The following TFAP2E variants were observed in gnomAD, a reference collection of about 807,000 sequenced individuals.
The protein encoded by TFAP2E is transcription factor AP-2-epsilon.
Under a neutral mutation model 37.9 loss-of-function variants are expected in TFAP2E, and 30 were observed. The observed-to-expected ratio is 0.79, with a 90% CI of 0.59 to 1.07. The LOEUF is 1.07. TFAP2E is among the 50% of genes least tolerant of loss of function. TFAP2E has a pLI of 0.00. For synonymous variants in TFAP2E, 318 were observed against 295.8 expected, an observed-to-expected ratio of 1.08 and a Z score of -0.77; for missense variants, 567 against 637.9, an observed-to-expected ratio of 0.89 and a Z score of 1.20.
chr1:35,577,322 C>T lies in TFAP2E; in HGVS notation c.562+2322C>T, dbSNP rs1157533340. 2.2e-6 allele frequency: 1 copy of T among 455,788 alleles called. No individual in the cohort carries two copies. The highest frequency in any genetic ancestry group is 2.4e-5 in the Admixed American group (1 of 42,516). 28.2% of individuals were successfully genotyped at this position (455,788 alleles called of 1,614,324 possible). ...CCTCGGCGCCCCCAGCAGTTTTCAC[C>T]TTGGCCCTCCGCGGTCACTGCGGGA... On this transcript the variant is annotated intron_variant, in intron 3 of 6. Transcript: ENST00000373235. This position sits in a 1 kb window ranked among gnomAD's most constrained non-coding sequence, Gnocchi z 6.3.
Position 35,588,797 on chromosome 1 carries a change from G to T in TFAP2E, c.785+245G>T, listed in dbSNP as rs1240545267. Among the ~76,000 whole-genome samples the T allele has an allele frequency of 2.0e-5, 3 of 152,178 alleles. No homozygotes were observed. Among genetic ancestry groups the T allele is most frequent in the Non-Finnish European group, 4.4e-5 (3 of 68,024 alleles). ...AGAAAGAAGCCTGGGCACAGAGAAG[G>T]GATGGAGAACTCATCCACACTGGTC... On this transcript the variant is annotated intron_variant, in intron 4 of 6. Transcript: ENST00000373235. This position sits in a 1 kb window ranked among gnomAD's most constrained non-coding sequence, Gnocchi z 5.1.
In TFAP2E at chr1:35,573,600, C is replaced by T. The variant is rs1471935654; in HGVS notation, c.23C>T (p.Ala8Val). 1.9e-6 allele frequency: 3 copies of T among 1,539,888 alleles called. No homozygotes were observed. Among genetic ancestry groups the T allele is most frequent in the Non-Finnish European group, 1.7e-6 (2 of 1,143,360 alleles). MLVHTYS[A>V]MERPDGLGAA... ...CCCATGCTGGTGCACACCTACTCCG[C>T]CATGGTGAGTAGTCTCGGGCCCGGG... is the stretch of plus-strand genomic sequence containing the variant. The change falls in exon 1 of 7, where the codon GCC becomes GTC. Residue 8 changes from alanine (A) to valine (V), a missense_variant. Around this residue, in one of 3 missense-constraint regions of TFAP2E, gnomAD observed 312 missense variants for 317.4 expected, o/e 0.98. Coordinates refer to ENST00000373235, the MANE Select transcript of TFAP2E (RefSeq NM_178548.4). This position sits in a 1 kb window ranked among gnomAD's most constrained non-coding sequence, Gnocchi z 5.9.
In TFAP2E at chr1:35,594,420, T is replaced by C; in HGVS notation, c.1073T>C (p.Leu358Ser). ...CAGATCTGCAAGGAGTTTGCAGACT[T>C]GATGGCTCAGGACCGCTCACCGCTG... Reference protein sequence around the residue: ...AKQICKEFADLMAQDRSPLGN... With the variant: ...AKQICKEFADSMAQDRSPLGN... The change falls in exon 7 of 7, where the codon TTG becomes TCG. Residue 358 changes from leucine to serine, a missense_variant. Leu to Ser is a moderately radical substitution (Grantham distance 145). Coordinates refer to ENST00000373235, the MANE Select transcript of TFAP2E (RefSeq NM_178548.4). 3 of 1,613,764 alleles carry C rather than the reference T, an allele frequency of 1.9e-6. No individual in the cohort carries two copies. Among genetic ancestry groups the C allele is most frequent in the Non-Finnish European group, 2.5e-6 (3 of 1,179,960 alleles).
rs775211895 is a variant in TFAP2E, at chr1:35,590,747, A to C, written c.1018A>C (p.Ser340Arg). 6.7e-7 allele frequency: 1 copy of C among 1,489,900 alleles called. No individual in the cohort carries two copies. The highest frequency in any genetic ancestry group is 2.1e-5 in the Admixed American group (1 of 47,900). 92.3% of individuals were successfully genotyped at this position (1,489,900 alleles called of 1,614,324 possible). Residue 340 changes from serine (S) to arginine (R), a missense_variant, in exon 6 of 7, where the codon AGC becomes CGC. This residue lies in a region of TFAP2E where 252 missense variants were observed against 302.6 expected (regional missense o/e 0.83). Transcript: ENST00000373235. This position sits in a 1 kb window ranked among gnomAD's most constrained non-coding sequence, Gnocchi z 6.2. ...RQHADPGELH[S>R]RKSMLLAAKQ... ...GCACGCTGACCCGGGGGAGCTGCAC[A>C]GCCGCAAGAGCATGCTGCTGGCTGC...
At chr1:35,586,967 G>A (rs1649499129) in intron 3 of TFAP2E, among the ~76,000 whole-genome samples, 1 of 152,246 alleles carries the variant, frequency 6.6e-6, no homozygotes, top group African/African-American at 2.4e-5. Flanking sequence ...CCGTCTACCA[G>A]CTGTGTGATC....
At position 35,590,662 on chromosome 1, in the gene TFAP2E, C is replaced by T. The variant is rs140768899; in HGVS notation, c.933C>T (p.Phe311=). The T allele has an allele frequency of 1.4e-3, 2,161 of 1,538,448 alleles. 3 individuals carry two copies. Among genetic ancestry groups the T allele is most frequent in the Middle Eastern group, 3.4e-3 (17 of 4,988 alleles). Residue 311 remains phenylalanine, a synonymous_variant, in exon 6 of 7, where the codon TTC becomes TTT. Coordinates refer to ENST00000373235, the MANE Select transcript of TFAP2E (RefSeq NM_178548.4). The surrounding 1 kb of genome is among the most constrained non-coding windows in gnomAD (Gnocchi z 6.2). The part of the protein sequence containing the change: ...EGEAVHLARD[F]GYVCETEFPA... ...AGGCCGTGCACCTGGCCCGAGACTT[C>T]GGTTACGTCTGTGAGACGGAGTTCC...
rs1420538974 is a variant in TFAP2E at position 35,574,136 on chromosome 1, G to A, written c.237G>A (p.Leu79=). 5 of 1,450,520 alleles carry A rather than the reference G, an allele frequency of 3.4e-6. No homozygotes were observed. Among genetic ancestry groups the A allele is most frequent in the South Asian group, 1.3e-5 (1 of 79,006 alleles). The allele number at this position is 1,450,520 out of a possible 1,614,324, so 89.9% of individuals were successfully genotyped here. A position where few individuals can be genotyped will look rare whatever the true frequency, so the allele number is the denominator to read the frequency against. Reference sequence around the variant, plus strand: ...ACGCCGCCGCAGCCTTTCCCCACCTGGCAGGGGACCCATATGGCGGCCTGG... The same window carrying A: ...ACGCCGCCGCAGCCTTTCCCCACCTAGCAGGGGACCCATATGGCGGCCTGG... ...APDAAAAFPH[L]AGDPYGGLAP... The change falls in exon 2 of 7, where the codon CTG becomes CTA. Residue 79 remains leucine (L), a synonymous_variant. Transcript: ENST00000373235.
rs980033423 is a variant in TFAP2E, at chr1:35,594,738, G to C, written c.*62G>C. On this transcript the variant is annotated 3_prime_UTR_variant, in exon 7 of 7. Transcript: ENST00000373235. ...CCCTGAAATAGGGACTTAGCTCTTG[G>C]GGGTGGGCCTGGAAGGACTGAAAGG... 2.5e-6 allele frequency: 4 copies of C among 1,604,918 alleles called. No individual in the cohort carries two copies. In the African/African-American group the frequency reaches 4.0e-5, roughly 16 times the overall value.
chr1:35,591,298 A>G (rs1649665876), intron 6 of TFAP2E, among the ~76,000 whole-genome samples: 1 of 152,166 alleles, frequency 6.6e-6, no homozygotes, highest in African/African-American at 2.4e-5. Context: ...ACTGGCTCAC[A>G]CAGGCTCACG....
At chr1:35,592,934 A>G (rs1235948503) in intron 6 of TFAP2E, among the ~76,000 whole-genome samples, 1 of 152,172 alleles carries the variant, frequency 6.6e-6, no homozygotes, top group East Asian at 1.9e-4. Context: ...TCCTAATACT[A>G]TCACCTAGTG....
Position 35,588,358 on chromosome 1 carries a change from C to G in TFAP2E, c.591C>G (p.Leu197=), listed in dbSNP as rs772688996. 7 of 1,613,498 alleles carry G rather than the reference C, an allele frequency of 4.3e-6. No individual in the cohort carries two copies. In the African/African-American group the frequency reaches 9.3e-5, roughly 22 times the overall value. ...KVPIPSKASS[L]SALSLAKDSL... is the part of the protein sequence containing the mutation. The stretch of plus-strand genomic sequence containing the variant: ...CCATCCCCTCCAAAGCCAGCAGCCT[C>G]TCAGCCCTCTCCTTGGCCAAAGACA... The change falls in exon 4 of 7, where the codon CTC becomes CTG. Residue 197 remains leucine, a synonymous_variant. Transcript: ENST00000373235. This position sits in a 1 kb window ranked among gnomAD's most constrained non-coding sequence, Gnocchi z 5.1.
intron 4 of TFAP2E, among the ~76,000 whole-genome samples, 165 bp from the exon 5 acceptor site, chr1:35,589,765 A>G (rs1007191926): frequency 2.6e-5 from 4 of 151,984 alleles, no homozygotes; most frequent in African/African-American, 9.7e-5. Context: ...AACCATGGAG[A>G]TTAGTTGCGC....
chr1:35,590,718 G>C lies in TFAP2E; in HGVS notation c.989G>C (p.Arg330Pro), dbSNP rs1366953216. The C allele has an allele frequency of 6.4e-7, 1 of 1,553,368 alleles. No homozygotes were observed. The highest frequency in any genetic ancestry group is 1.2e-5 in the South Asian group (1 of 84,102). Residue 330 changes from arginine (R) to proline (P), a missense_variant, in exon 6 of 7, where the codon CGA becomes CCA. Physicochemically the swap from Arg to Pro is moderately radical, Grantham distance 103. Around this residue, in one of 3 missense-constraint regions of TFAP2E, gnomAD observed 252 missense variants for 302.6 expected, o/e 0.83. Coordinates refer to ENST00000373235, the MANE Select transcript of TFAP2E (RefSeq NM_178548.4). This position sits in a 1 kb window ranked among gnomAD's most constrained non-coding sequence, Gnocchi z 6.2. Reference protein sequence around the residue: ...PAKAAAEYLCRQHADPGELHS... With the variant: ...PAKAAAEYLCPQHADPGELHS... ...AAGGCAGCTGCCGAGTACCTGTGCC[G>C]ACAGCACGCTGACCCGGGGGAGCTG...
intron 3 of TFAP2E, among the ~76,000 whole-genome samples, chr1:35,580,527 G>A (rs1649318697): frequency 6.6e-6 from 1 of 152,186 alleles, no homozygotes; most frequent in East Asian, 1.9e-4. Context: ...TTGGGAGGCC[G>A]AGGCGGGTGG....
In TFAP2E at chr1:35,588,866, CCCT is replaced by C. The variant is rs1354192192; in HGVS notation, c.785+316_785+318del. ...GGGAAGAGAGAGGGCCATCCTCACCCCCTCTTCTAGGAAATGAACCCCAGGACC... is the reference window on the plus strand; with the variant it reads ...GGGAAGAGAGAGGGCCATCCTCACCCCTTCTAGGAAATGAACCCCAGGACC... On this transcript the variant is annotated intron_variant, in intron 4 of 6. Transcript: ENST00000373235. This position sits in a 1 kb window ranked among gnomAD's most constrained non-coding sequence, Gnocchi z 5.1. Among the ~76,000 whole-genome samples, 2 of 152,142 alleles carry C rather than the reference CCCT, an allele frequency of 1.3e-5. No homozygotes were observed. Among genetic ancestry groups the C allele is most frequent in the East Asian group, 3.9e-4 (2 of 5,174 alleles).
Position 35,573,637 on chromosome 1 carries a change from CG to C in TFAP2E, c.27+38del, listed in dbSNP as rs1649075810. On this transcript the variant is annotated intron_variant, in intron 1 of 6. Coordinates refer to ENST00000373235, the MANE Select transcript of TFAP2E (RefSeq NM_178548.4). This position sits in a 1 kb window ranked among gnomAD's most constrained non-coding sequence, Gnocchi z 5.9. ...GTCTCGGGCCCGGGACATATTCGGC[CG>C]GGGGATCGGGGCGCCTGAGTGCTGG... is the stretch of plus-strand genomic sequence containing the variant. 6.5e-7 allele frequency: 1 copy of C among 1,537,338 alleles called. No individual in the cohort carries two copies. The highest frequency in any genetic ancestry group is 8.8e-7 in the Non-Finnish European group (1 of 1,142,038).
In TFAP2E at chr1:35,594,575, C is replaced by G; in HGVS notation, c.1228C>G (p.Leu410Val). Reference sequence around the variant, plus strand: ...CCTCACTGCCTTCCAGAACTATTTGCTGGAGTCACTCAAGGGGCTGGACAA... The same window carrying G: ...CCTCACTGCCTTCCAGAACTATTTGGTGGAGTCACTCAAGGGGCTGGACAA... Reference protein sequence around the residue: ...AALTAFQNYLLESLKGLDKMF... With the variant: ...AALTAFQNYLVESLKGLDKMF... Residue 410 changes from leucine (L) to valine (V), a missense_variant, in exon 7 of 7, where the codon CTG becomes GTG. Physicochemically the swap from Leu to Val is conservative, Grantham distance 32. Around this residue, in one of 3 missense-constraint regions of TFAP2E, gnomAD observed 252 missense variants for 302.6 expected, o/e 0.83. Coordinates refer to ENST00000373235, the MANE Select transcript of TFAP2E (RefSeq NM_178548.4). The G allele has an allele frequency of 1.2e-6, 2 of 1,614,220 alleles. No homozygotes were observed. Among genetic ancestry groups the G allele is most frequent in the Non-Finnish European group, 1.7e-6 (2 of 1,180,030 alleles).
chr1:35,587,942 G>A (rs1649532470), intron 3 of TFAP2E, among the ~76,000 whole-genome samples: 1 of 152,120 alleles, frequency 6.6e-6, no homozygotes, highest in Non-Finnish European at 1.5e-5. Context: ...TCACGAATGG[G>A]AAGAGGGGAT....
Position 35,573,796 on chromosome 1 carries a change from G to C in TFAP2E, c.28-131G>C. Reference sequence around the variant, plus strand: ...AGGCTCCTGCGCCCGCGGGTGGCTCGGAAATAAACCTCGGGCCCCAAGAAA... The same window carrying C: ...AGGCTCCTGCGCCCGCGGGTGGCTCCGAAATAAACCTCGGGCCCCAAGAAA... On this transcript the variant is annotated intron_variant, in intron 1 of 6. Transcript: ENST00000373235. The surrounding 1 kb of genome is among the most constrained non-coding windows in gnomAD (Gnocchi z 5.9). The C allele has an allele frequency of 7.3e-7, 1 of 1,375,532 alleles. No individual in the cohort carries two copies. Among genetic ancestry groups the C allele is most frequent in the South Asian group, 1.6e-5 (1 of 62,924 alleles). The allele number at this position is 1,375,532 out of a possible 1,614,324, so 85.2% of individuals were successfully genotyped here.
Sources: gnomAD v4.1 joint callset for allele counts (sites outside exome capture counted in the v4.1 genomes callset) on GRCh38, gnomAD v4.1.1 for gene constraint, gnomAD v4.1.1 regional missense constraint, Gnocchi (gnomAD v3.1) non-coding constraint, MANE v1.5 for transcripts, NCBI Gene and HGNC (gene_info 2026-07-23, HGNC 2026-07-21) for gene names.